Variants in MAGI1 observed in about 807,000 individuals in gnomAD.
MAGI1 encodes the protein membrane associated guanylate kinase, WW and PDZ domain containing 1.
MAGI1 carries 58 observed loss-of-function variants against 139.9 expected under a neutral mutation model. The ratio of observed to expected loss-of-function variants is 0.41; its 90% confidence interval spans 0.34 to 0.52. The LOEUF (loss-of-function observed/expected upper bound fraction) is 0.52. Ranked by LOEUF, MAGI1 falls within the 20% of genes least tolerant of loss-of-function variation. The probability of loss-of-function intolerance (pLI) is 0.12; values close to 1 mark genes in which losing one functional copy is unlikely to be tolerated. For synonymous variants in MAGI1, 812 were observed against 737.9 expected, an observed-to-expected ratio of 1.10 and a Z score of -1.63; for missense variants, 1,874 against 1,901.6, an observed-to-expected ratio of 0.99 and a Z score of 0.27.
intron 12 of MAGI1, among the ~76,000 whole-genome samples, chr3:65,427,549 G>C (rs1046285922): frequency 6.6e-6 from 1 of 152,186 alleles, no homozygotes; most frequent in South Asian, 2.1e-4. Context: ...TCTGTCAAAT[G>C]AGCAGTGGCT....
chr3:65,395,341 CCTA>C (rs1385831359), intron 13 of MAGI1, among the ~76,000 whole-genome samples: 1 of 151,538 alleles, frequency 6.6e-6, no homozygotes, highest in Non-Finnish European at 1.5e-5. Context: ...CTGGAAGAAC[CCTA>C]CTAACAGAAA....
chr3:65,530,624 G>GTGGTGTGTGTGTGTGGGT (rs1204700107), intron 2 of MAGI1, among the ~76,000 whole-genome samples: 2 of 129,274 alleles, frequency 1.5e-5, no homozygotes, highest in African/African-American at 6.4e-5. Flanking sequence ...ATGTGTGTGT[G>GTGGTGTGTGTGTGTGGGT]GTGTGTGTGT....
intron 1 of MAGI1, among the ~76,000 whole-genome samples, chr3:65,649,244 G>C (rs2085445714): frequency 2.0e-5 from 3 of 151,984 alleles, no homozygotes; most frequent in Non-Finnish European, 4.4e-5. Flanking sequence ...TAGCCAGGTG[G>C]AGTGGTGTGC....
chr3:66,015,710 T>C (rs1206889167), intron 1 of MAGI1, among the ~76,000 whole-genome samples: 1 of 151,916 alleles, frequency 6.6e-6, no homozygotes, highest in African/African-American at 2.4e-5. Flanking sequence ...AGTAGCTTAA[T>C]TTTTATCCCA....
intron 1 of MAGI1, among the ~76,000 whole-genome samples, chr3:65,882,350 A>G (rs1187662375): frequency 6.6e-6 from 1 of 152,230 alleles, no homozygotes; most frequent in Non-Finnish European, 1.5e-5. Context: ...GGAAATCAAA[A>G]TAACTCTAAA....
chr3:65,560,904 T>C (rs1175972651), intron 2 of MAGI1, among the ~76,000 whole-genome samples: 1 of 152,334 alleles, frequency 6.6e-6, no homozygotes, highest in South Asian at 2.1e-4. Flanking sequence ...GATTCATAAA[T>C]TTTTGCATCA....
At chr3:65,972,391 G>T (rs1405441594) in intron 1 of MAGI1, among the ~76,000 whole-genome samples, 4 of 152,216 alleles carry the variant, frequency 2.6e-5, no homozygotes, top group African/African-American at 9.6e-5. Flanking sequence ...TTCTGATGCA[G>T]TCAGGTTCCT....
intron 1 of MAGI1, among the ~76,000 whole-genome samples, chr3:65,663,235 A>T (rs2086303671): frequency 2.0e-5 from 3 of 152,220 alleles, no homozygotes; most frequent in Admixed American, 6.5e-5. Flanking sequence ...TGAGACTACC[A>T]GGGTTTTTAA....
At chr3:65,941,986 C>T (rs76041867) in intron 1 of MAGI1, among the ~76,000 whole-genome samples, 1,934 of 152,206 alleles carry the variant, frequency 0.013, 38 homozygotes, top group African/African-American at 0.044. Flanking sequence ...GGGGTTTCGC[C>T]GTGTTGCCCA....
At chr3:65,872,247 G>C (rs1004945558) in intron 1 of MAGI1, among the ~76,000 whole-genome samples, 1 of 152,198 alleles carries the variant, frequency 6.6e-6, no homozygotes, top group Non-Finnish European at 1.5e-5. Flanking sequence ...TAATATAGGT[G>C]CTTGTTAGAG....
intron 21 of MAGI1, among the ~76,000 whole-genome samples, chr3:65,362,670 T>C (rs1289163324): frequency 6.6e-6 from 1 of 152,194 alleles, no homozygotes. Context: ...TCACCCTTAA[T>C]CAGTTTTTCC....
intron 3 of MAGI1, among the ~76,000 whole-genome samples, chr3:65,488,298 C>T (rs1039717185): frequency 3.3e-5 from 5 of 152,092 alleles, no homozygotes; most frequent in African/African-American, 9.7e-5. Flanking sequence ...GCTTCTGGAG[C>T]GCTGTGTAGT....
intron 1 of MAGI1, among the ~76,000 whole-genome samples, chr3:65,648,901 T>C (rs893185636): frequency 6.6e-5 from 10 of 152,150 alleles, no homozygotes; most frequent in Admixed American, 5.9e-4. Context: ...ACAGATTCAT[T>C]CAAATATGCC....
chr3:65,549,366 T>G lies in MAGI1; in HGVS notation c.431-55735A>C, dbSNP rs1054558326. The G allele has an allele frequency of 4.4e-5, 35 of 788,256 alleles. 1 individual carries two copies. Among genetic ancestry groups the G allele is most frequent in the Non-Finnish European group, 5.2e-5 (34 of 651,768 alleles). 48.8% of individuals were successfully genotyped at this position (788,256 alleles called of 1,614,324 possible). A position where few individuals can be genotyped will look rare whatever the true frequency, so the allele number is the denominator to read the frequency against. On this transcript the variant is annotated intron_variant, in intron 2 of 22. Transcript: ENST00000402939. ...CCCTTCCTAACCCCCTCCCCTCCCC[T>G]CTTCCTGCTGTCACTTCCAAACCCA...
intron 2 of MAGI1, among the ~76,000 whole-genome samples, chr3:65,602,592 T>C (rs555617643): frequency 1.3e-5 from 2 of 151,980 alleles, no homozygotes; most frequent in Non-Finnish European, 2.9e-5. Context: ...TTTCTCGGGG[T>C]GATAAAAACA....
At chr3:65,873,898 G>C (rs2060022786) in intron 1 of MAGI1, 1 of 151,760 alleles carries the variant, frequency 6.6e-6, no homozygotes, top group African/African-American at 2.4e-5. Flanking sequence ...CAAAACCCTG[G>C]GTCAGGTGAA....
At chr3:65,776,206 C>T (rs1328462790) in intron 1 of MAGI1, among the ~76,000 whole-genome samples, 6 of 149,730 alleles carry the variant, frequency 4.0e-5, no homozygotes, top group Non-Finnish European at 5.9e-5. Flanking sequence ...GCATTCTTTA[C>T]TACTTGCTAT....
At chr3:66,025,475 G>A (rs530345441) in intron 1 of MAGI1, among the ~76,000 whole-genome samples, 1 of 152,266 alleles carries the variant, frequency 6.6e-6, no homozygotes, top group East Asian at 1.9e-4. Context: ...AGGAGATACA[G>A]GTGAGCCAAG....
intron 1 of MAGI1, among the ~76,000 whole-genome samples, chr3:65,760,657 T>C (rs73832948): frequency 0.02 from 2,997 of 152,186 alleles, 93 homozygotes; most frequent in African/African-American, 0.068. Flanking sequence ...ATCCTCTTCC[T>C]TTGGTCCTCA....
Sources: gnomAD v4.1 joint callset for allele counts (sites outside exome capture counted in the v4.1 genomes callset) on GRCh38, gnomAD v4.1.1 for gene constraint, MANE v1.5 for transcripts, NCBI Gene and HGNC (gene_info 2026-07-23, HGNC 2026-07-21) for gene names.